The following PEX5L variants were observed in gnomAD, a reference collection of about 807,000 sequenced individuals.
The protein encoded by PEX5L is PEX5-related protein.
A neutral mutation model predicts 84.0 loss-of-function variants in PEX5L; 30 were observed. That is an observed-to-expected ratio of 0.36 (90% confidence interval 0.27 to 0.48). The LOEUF is 0.48. Among genes scored for constraint, PEX5L ranks in the 20% least tolerant of loss-of-function variants. PEX5L has a pLI of 0.99. For missense variants in PEX5L, 533 were observed against 754.6 expected (o/e 0.71, Z 3.44); for synonymous variants, 270 against 283.1 (o/e 0.95, Z 0.46).
chr3:179,985,403 A>G (rs1786721491), intron 1 of PEX5L, among the ~76,000 whole-genome samples: 1 of 152,146 alleles, frequency 6.6e-6, no homozygotes, highest in Admixed American at 6.6e-5. Context: ...ACCAAAATGC[A>G]GGCTTTTCCA....
chr3:179,949,694 A>C (rs1456052521), intron 2 of PEX5L, among the ~76,000 whole-genome samples: 1 of 152,098 alleles, frequency 6.6e-6, no homozygotes, highest in Non-Finnish European at 1.5e-5. Context: ...AGTAAGTCTA[A>C]CCAAACCCTC....
intron 2 of PEX5L, among the ~76,000 whole-genome samples, chr3:179,911,324 G>A (rs1386708432): frequency 6.6e-6 from 1 of 152,112 alleles, no homozygotes; most frequent in African/African-American, 2.4e-5. Context: ...GAGGTTAGGC[G>A]GGGTTTCTGT....
intron 7 of PEX5L, among the ~76,000 whole-genome samples, chr3:179,871,564 T>G (rs906489267): frequency 1.3e-5 from 2 of 152,254 alleles, no homozygotes; most frequent in African/African-American, 4.8e-5. Flanking sequence ...AAGATTTCTC[T>G]GTACATAGTG....
intron 1 of PEX5L, among the ~76,000 whole-genome samples, chr3:179,992,866 G>A (rs184838747): frequency 8.8e-4 from 132 of 149,976 alleles, no homozygotes; most frequent in African/African-American, 3.2e-3. Flanking sequence ...TTCTTTGCAT[G>A]TATGTATGTA....
At chr3:179,942,416 G>A (rs942749778) in intron 2 of PEX5L, among the ~76,000 whole-genome samples, 3 of 152,246 alleles carry the variant, frequency 2.0e-5, no homozygotes, top group Non-Finnish European at 4.4e-5. Context: ...CAACACTGCG[G>A]GACCGCGGAG....
At chr3:179,956,960 T>C (rs1322280177) in intron 2 of PEX5L, among the ~76,000 whole-genome samples, 7 of 152,126 alleles carry the variant, frequency 4.6e-5, no homozygotes, top group Admixed American at 4.6e-4. Flanking sequence ...TCTTAAAAGA[T>C]GAGTAAGGTT....
chr3:179,923,085 C>T (rs926804964), intron 2 of PEX5L, among the ~76,000 whole-genome samples: 1 of 151,638 alleles, frequency 6.6e-6, no homozygotes, highest in Non-Finnish European at 1.5e-5. Flanking sequence ...GTCAGGAGAT[C>T]AAGACCATCC....
chr3:179,839,508 G>A (rs974262729), intron 8 of PEX5L, among the ~76,000 whole-genome samples: 1 of 152,296 alleles, frequency 6.6e-6, no homozygotes, highest in East Asian at 1.9e-4. Flanking sequence ...TTGAGCGCTA[G>A]ATTATTAAAT....
Position 179,898,236 on chromosome 3 carries a change from G to C in PEX5L, c.104C>G (p.Ser35Cys), listed in dbSNP as rs1760026402. ...IIVDQKQGKG[S>C]RAADKAVAMV... is the part of the protein sequence containing the mutation. ...GGCAACAGCCTTATCTGCCGCCCTA[G>C]AGCCTTTTCCCTATAACAGTGAAAT... is the stretch of plus-strand genomic sequence containing the variant. The change falls in exon 3 of 15, where the codon TCT (serine) becomes TGT (cysteine). Residue 35 changes from serine (S) to cysteine (C), a missense_variant. Ser to Cys is a moderately radical substitution (Grantham distance 112). Coordinates refer to ENST00000467460, the MANE Select transcript of PEX5L (RefSeq NM_016559.3). The C allele has an allele frequency of 6.2e-7, 1 of 1,612,018 alleles. No individual in the cohort carries two copies. The highest frequency in any genetic ancestry group is 8.5e-7 in the Non-Finnish European group (1 of 1,178,274).
chr3:179,991,158 C>T (rs1292919668), intron 1 of PEX5L, among the ~76,000 whole-genome samples: 1 of 152,196 alleles, frequency 6.6e-6, no homozygotes, highest in African/African-American at 2.4e-5. Flanking sequence ...ACCAAACCGA[C>T]TTACTGTCTT....
chr3:179,902,674 T>C (rs1348627124), intron 2 of PEX5L: 1 of 456,710 alleles, frequency 2.2e-6, no homozygotes, highest in South Asian at 1.5e-5. Context: ...TTTCTTGAGA[T>C]CCGTTTTGGT....
At position 180,016,861 on chromosome 3, in the gene PEX5L, T is replaced by C. The variant is rs147458156; in HGVS notation, c.21+19718A>G. Among the ~76,000 whole-genome samples, 54 of 152,342 alleles carry C rather than the reference T, an allele frequency of 3.5e-4. 2 individuals are homozygous for C. The East Asian group carries it at 0.01, about 29-fold the overall frequency. ...AGCTTTCCATTTATGCTCTTGATCATTTGCTTTGTCAATAAACATACTTAA... is the reference window on the plus strand; with the variant it reads ...AGCTTTCCATTTATGCTCTTGATCACTTGCTTTGTCAATAAACATACTTAA... On this transcript the variant is annotated intron_variant, in intron 1 of 14. Transcript: ENST00000467460.
At chr3:179,870,252 G>A (rs1749821569) in intron 7 of PEX5L, among the ~76,000 whole-genome samples, 1 of 152,168 alleles carries the variant, frequency 6.6e-6, no homozygotes, top group African/African-American at 2.4e-5. Flanking sequence ...TTTTGTTTAA[G>A]GATCATTAAG....
At chr3:179,895,346 A>G (rs1758911465) in intron 3 of PEX5L, among the ~76,000 whole-genome samples, 1 of 152,106 alleles carries the variant, frequency 6.6e-6, no homozygotes, top group South Asian at 2.1e-4. Context: ...TCAGTAGCTC[A>G]TGGCTACTGT....
rs1244080240 is a variant in PEX5L, at chr3:179,800,714, C to CA, written c.*1113dup. The CA allele has an allele frequency of 3.3e-5, 5 of 152,084 alleles. No individual in the cohort carries two copies. The highest frequency in any genetic ancestry group is 9.7e-5 in the African/African-American group (4 of 41,402). The allele number at this position is 152,084 out of a possible 1,614,324, so 9.4% of individuals were successfully genotyped here. A position where few individuals can be genotyped will look rare whatever the true frequency, so the allele number is the denominator to read the frequency against. On this transcript the variant is annotated 3_prime_UTR_variant, in exon 15 of 15. Coordinates refer to ENST00000467460, the MANE Select transcript of PEX5L (RefSeq NM_016559.3). Reference sequence around the variant, plus strand: ...ATCACTTAGAATGCAAGGGGATGAACAGTGCAGATTATTATGAAACTAAGA... The same window carrying CA: ...ATCACTTAGAATGCAAGGGGATGAACAAGTGCAGATTATTATGAAACTAAGA...
chr3:179,940,317 G>A lies in PEX5L; in HGVS notation c.93+31277C>T, dbSNP rs142161283. ...AGGTGGGAAGAGAGAGAGAAAGCTG[G>A]GAAGAGAAAGAAAGAGGTGGTGAGA... On this transcript the variant is annotated intron_variant, in intron 2 of 14. Coordinates refer to ENST00000467460, the MANE Select transcript of PEX5L (RefSeq NM_016559.3). 2.9e-3 allele frequency among the ~76,000 whole-genome samples: 448 copies of A among 152,008 alleles called. 2 individuals are homozygous for A. Among genetic ancestry groups the A allele is most frequent in the African/African-American group, 0.011 (435 of 41,416 alleles).
At chr3:179,955,933 G>A (rs9843151) in intron 2 of PEX5L, among the ~76,000 whole-genome samples, 60,992 of 151,876 alleles carry the variant, frequency 0.4, 13,126 homozygotes, top group East Asian at 0.68. Flanking sequence ...TTTTTCTACA[G>A]GGGATTTAAT....
In PEX5L at chr3:179,879,912, G is replaced by A. The variant is rs111412576; in HGVS notation, c.505+17C>T. ...AGAGCAAGGTTGAGCATCCATAGCC[G>A]CAAGCGATTGCCTTACCTAGATCTA... On this transcript the variant is annotated intron_variant, in intron 5 of 14. Transcript: ENST00000467460. The A allele has an allele frequency of 5.6e-4, 855 of 1,525,986 alleles. 7 individuals carry two copies. In the African/African-American group the frequency reaches 0.01, roughly 18 times the overall value. The allele number at this position is 1,525,986 out of a possible 1,614,324, so 94.5% of individuals were successfully genotyped here.
intron 2 of PEX5L, among the ~76,000 whole-genome samples, chr3:179,943,471 T>C (rs990091241): frequency 4.6e-5 from 7 of 152,272 alleles, no homozygotes; most frequent in Admixed American, 2.0e-4. Context: ...TTTAAATGTG[T>C]AATAATTAGC....
Sources: allele counts gnomAD v4.1 joint callset (sites outside exome capture counted in the v4.1 genomes callset), GRCh38; gene constraint gnomAD v4.1.1; transcripts MANE v1.5; gene names NCBI Gene and HGNC (gene_info 2026-07-23, HGNC 2026-07-21).